Variants in MTCH2 observed in about 807,000 individuals in gnomAD.
MTCH2 encodes the protein mitochondrial carrier 2.
A neutral mutation model predicts 50.6 loss-of-function variants in MTCH2; 25 were observed. The ratio of observed to expected loss-of-function variants is 0.49; its 90% confidence interval spans 0.36 to 0.69. The LOEUF (loss-of-function observed/expected upper bound fraction) is 0.69. MTCH2 is among the 30% of genes least tolerant of loss of function. MTCH2 has a pLI of 0.00. For synonymous variants in MTCH2, 106 were observed against 132.0 expected (o/e 0.80, Z 1.35); for missense variants, 273 against 384.4 (o/e 0.71, Z 2.42).
chr11:47,623,914 T>C (rs556155757), intron 11 of MTCH2, among the ~76,000 whole-genome samples: 13 of 151,910 alleles, frequency 8.6e-5, no homozygotes, highest in Non-Finnish European at 1.9e-4. Flanking sequence ...TAGCCGGGGG[T>C]GGTGGCAAGT....
chr11:47,622,616 T>C, intron 12 of MTCH2, 85 bp downstream of exon 12: 1 of 1,107,678 alleles, frequency 9.0e-7, no homozygotes, highest in Non-Finnish European at 1.3e-6. Flanking sequence ...AAGAGTTAAC[T>C]TGGGATTCCA....
intron 1 of MTCH2, among the ~76,000 whole-genome samples, chr11:47,641,088 G>T (rs1338029423): frequency 1.3e-5 from 2 of 151,992 alleles, no homozygotes; most frequent in African/African-American, 4.8e-5. Flanking sequence ...GTAGAGACGG[G>T]GTTTCACCAT....
intron 4 of MTCH2, among the ~76,000 whole-genome samples, 195 bp from the exon 5 acceptor site, chr11:47,634,929 C>T (rs999439567): frequency 1.3e-5 from 2 of 151,874 alleles, no homozygotes; most frequent in African/African-American, 2.4e-5. Context: ...CTCGCCACCA[C>T]GCCCTGCTAA....
chr11:47,631,191 C>T (rs61897971), intron 6 of MTCH2, 104 bp from the exon 7 acceptor site: 7 of 868,510 alleles, frequency 8.1e-6, no homozygotes, highest in African/African-American at 1.7e-5. Context: ...GGCGGATCAC[C>T]TGAGGTCAGG....
intron 12 of MTCH2, among the ~76,000 whole-genome samples, chr11:47,620,844 T>C (rs1455004499): frequency 6.6e-6 from 1 of 152,202 alleles, no homozygotes; most frequent in African/African-American, 2.4e-5. Context: ...ACACCTATTC[T>C]CACACAGCTG....
chr11:47,634,448 T>C (rs1354608634), intron 5 of MTCH2, among the ~76,000 whole-genome samples: 2 of 152,198 alleles, frequency 1.3e-5, no homozygotes, highest in African/African-American at 4.8e-5. Flanking sequence ...AAAGACGGAA[T>C]GTGTGGGCAA....
chr11:47,610,805 C>A, the MTCH2 span, among the ~76,000 whole-genome samples: 176 of 152,134 alleles, frequency 1.2e-3, no homozygotes, highest in African/African-American at 4.1e-3. Context: ...CAGCTAGTGA[C>A]AGCTAGAAAT....
intron 7 of MTCH2, 78 bp from the exon 8 acceptor site, chr11:47,630,692 T>A: frequency 7.4e-7 from 1 of 1,342,950 alleles, no homozygotes; most frequent in Admixed American, 1.8e-5. Context: ...AATTATCACA[T>A]TGGACAAGGT....
chr11:47,623,376 T>TA (rs1159771280), intron 11 of MTCH2, among the ~76,000 whole-genome samples: 25 of 101,648 alleles, frequency 2.5e-4, no homozygotes, highest in South Asian at 1.8e-3. Context: ...AGTCTTTTTT[T>TA]AAAAAAAAAA....
chr11:47,609,362 GCAGGAGAATTGC>G, the MTCH2 span, among the ~76,000 whole-genome samples: 55 of 150,662 alleles, frequency 3.7e-4, no homozygotes, highest in Non-Finnish European at 7.2e-4. Flanking sequence ...GGAGGCTGAG[GCAGGAGAATTGC>G]TTGAACCTGG....
Position 47,638,960 on chromosome 11 carries a change from C to T in MTCH2, c.172+7G>A. The T allele has an allele frequency of 1.2e-6, 2 of 1,602,604 alleles. No individual in the cohort carries two copies. Among genetic ancestry groups the T allele is most frequent in the Non-Finnish European group, 1.7e-6 (2 of 1,174,828 alleles). On this transcript the variant is annotated splice_region_variant and intron_variant, in intron 2 of 12. Transcript: ENST00000302503. ...CATGCAAACCCAAATAAATCAAAGGCACTTACCATAACTAAAGAGACCAGG... is the reference window on the plus strand; with the variant it reads ...CATGCAAACCCAAATAAATCAAAGGTACTTACCATAACTAAAGAGACCAGG...
intron 5 of MTCH2, 54 bp downstream of exon 5, chr11:47,634,618 G>T: frequency 7.4e-7 from 1 of 1,350,628 alleles, no homozygotes; most frequent in Non-Finnish European, 1.0e-6. Context: ...TTCCATAGTT[G>T]CAACACCACA....
In MTCH2 at chr11:47,638,734, C is replaced by T. The variant is rs756883462; in HGVS notation, c.244G>A (p.Val82Ile). The T allele has an allele frequency of 6.2e-7, 1 of 1,614,266 alleles. No individual in the cohort carries two copies. ...TGLTPRLCSG[V>I]LGTVVHGKVL... Reference sequence around the variant, plus strand: ...TTACCATGGACCACAGTTCCAAGGACTCCCGAACACAGTCTTGGAGTTAAG... The same window carrying T: ...TTACCATGGACCACAGTTCCAAGGATTCCCGAACACAGTCTTGGAGTTAAG... The change falls in exon 3 of 13, where the codon GTC (valine) becomes ATC (isoleucine). Residue 82 changes from valine to isoleucine, a missense_variant. By Grantham distance (29) the Val-to-Ile change is conservative. This residue lies in a region of MTCH2 where 203 missense variants were observed against 244.3 expected (regional missense o/e 0.83). Transcript: ENST00000302503.
chr11:47,613,404 G>A (rs192874740), downstream of MTCH2, among the ~76,000 whole-genome samples: 2 of 152,144 alleles, frequency 1.3e-5, no homozygotes, highest in Non-Finnish European at 2.9e-5. Context: ...TGCCACCTTG[G>A]GAGGCAGCCT....
At chr11:47,633,786 C>G (rs1353119318) in intron 5 of MTCH2, among the ~76,000 whole-genome samples, 1 of 151,662 alleles carries the variant, frequency 6.6e-6, no homozygotes, top group Non-Finnish European at 1.5e-5. Flanking sequence ...ATCCGCCCGC[C>G]TCGGCCTCTC....
rs1466046532 is a variant in MTCH2, at chr11:47,625,434, AAAT to A, written c.749+237_749+239del. On this transcript the variant is annotated intron_variant, in intron 11 of 12. Coordinates refer to ENST00000302503, the MANE Select transcript of MTCH2 (RefSeq NM_014342.4). ...CAAGACTCCATCTCAAAAAAAAAAA[AAAT>A]AATAATAATAATTAATAAATAAATA... Among the ~76,000 whole-genome samples, 15 of 134,510 alleles carry A rather than the reference AAAT, an allele frequency of 1.1e-4. 2 individuals are homozygous for A. The highest frequency in any genetic ancestry group is 2.7e-4 in the African/African-American group (10 of 36,584). The allele number at this position is 134,510 out of a possible 152,430, so 88.2% of individuals were successfully genotyped here.
chr11:47,620,473 C>T (rs1314314314), intron 12 of MTCH2, among the ~76,000 whole-genome samples: 1 of 150,732 alleles, frequency 6.6e-6, no homozygotes, highest in Non-Finnish European at 1.5e-5. Context: ...AGAGTGAGAC[C>T]CTGTCTCAAA....
chr11:47,636,775 T>C (rs1206420123), intron 3 of MTCH2, among the ~76,000 whole-genome samples: 2 of 149,006 alleles, frequency 1.3e-5, no homozygotes, highest in Non-Finnish European at 3.0e-5. Context: ...AAAGGGAACA[T>C]GCGCAGTGAC....
downstream of MTCH2, among the ~76,000 whole-genome samples, chr11:47,613,046 T>A (rs1387854385): frequency 6.6e-6 from 1 of 151,896 alleles, no homozygotes; most frequent in Non-Finnish European, 1.5e-5. Flanking sequence ...GGACTACAGA[T>A]GTGTTCCACC....
Sources: allele counts gnomAD v4.1 joint callset (sites outside exome capture counted in the v4.1 genomes callset), GRCh38; gene constraint gnomAD v4.1.1; regional missense constraint gnomAD v4.1.1; transcripts MANE v1.5; gene names NCBI Gene and HGNC (gene_info 2026-07-23, HGNC 2026-07-21).